Variants in ROBO1 observed in about 807,000 individuals in gnomAD.
ROBO1 encodes the protein roundabout homolog 1.
A neutral mutation model predicts 195.9 loss-of-function variants in ROBO1; 149 were observed. That is an observed-to-expected ratio of 0.76 (90% CI 0.67 to 0.87). The LOEUF (loss-of-function observed/expected upper bound fraction) is 0.87, where lower values mean the gene tolerates loss of function less well. Ranked by LOEUF, ROBO1 falls within the 40% of genes least tolerant of loss-of-function variation. The pLI is 0.00. For synonymous variants in ROBO1, 816 were observed against 733.2 expected, an observed-to-expected ratio of 1.11 and a Z score of -1.82; for missense variants, 1,933 against 2,068.3, an observed-to-expected ratio of 0.93 and a Z score of 1.27.
chr3:79,239,192 C>G (rs150356402), intron 2 of ROBO1, among the ~76,000 whole-genome samples: 3 of 152,010 alleles, frequency 2.0e-5, no homozygotes, highest in Admixed American at 6.6e-5. Flanking sequence ...CAACAAATAA[C>G]GGCTAAGAAA....
At chr3:79,523,441 TAG>T (rs1043891153) in intron 2 of ROBO1, among the ~76,000 whole-genome samples, 2 of 150,800 alleles carry the variant, frequency 1.3e-5, no homozygotes, top group Admixed American at 1.3e-4. Flanking sequence ...CCACAAAAAA[TAG>T]ACTTTGCATT....
chr3:78,690,634 C>A (rs1186651411), intron 8 of ROBO1, among the ~76,000 whole-genome samples: 2 of 151,996 alleles, frequency 1.3e-5, no homozygotes, highest in Non-Finnish European at 2.9e-5. Flanking sequence ...ATGTCAAAAT[C>A]AGACCAAGAA....
Position 78,607,009 on chromosome 3 carries a change from T to C in ROBO1, c.4468A>G (p.Ile1490Val). 1 of 1,612,696 alleles carries C rather than the reference T, an allele frequency of 6.2e-7. No individual in the cohort carries two copies. Among genetic ancestry groups the C allele is most frequent in the Non-Finnish European group, 8.5e-7 (1 of 1,178,826 alleles). ...LPPPPVPPPA[I>V]KSPTAQSKTQ... Reference sequence around the variant, plus strand: ...TTGGATTGGGCAGTAGGTGACTTTATAGCAGGTGGCGGCACAGGAGGTGGT... The same window carrying C: ...TTGGATTGGGCAGTAGGTGACTTTACAGCAGGTGGCGGCACAGGAGGTGGT... The change falls in exon 29 of 31, where the codon ATA becomes GTA. Residue 1490 changes from isoleucine to valine, a missense_variant. Physicochemically the swap from Ile to Val is conservative, Grantham distance 29. This residue lies in a region of ROBO1 where 1,737 missense variants were observed against 1,882.5 expected (regional missense o/e 0.92). Coordinates refer to ENST00000464233, the MANE Select transcript of ROBO1 (RefSeq NM_002941.4).
intron 2 of ROBO1, among the ~76,000 whole-genome samples, chr3:79,347,096 C>T (rs1056730741): frequency 6.6e-6 from 1 of 152,014 alleles, no homozygotes; most frequent in African/African-American, 2.4e-5. Flanking sequence ...GATAGGTGAA[C>T]AGACAGCATG....
At chr3:79,031,018 G>A (rs773036327) in intron 3 of ROBO1, among the ~76,000 whole-genome samples, 7 of 152,136 alleles carry the variant, frequency 4.6e-5, no homozygotes, top group African/African-American at 7.2e-5. Flanking sequence ...CACCATGCCC[G>A]GCCCCAATAT....
intron 4 of ROBO1, among the ~76,000 whole-genome samples, chr3:78,775,845 C>T (rs2083490166): frequency 6.6e-6 from 1 of 152,126 alleles, no homozygotes; most frequent in African/African-American, 2.4e-5. Context: ...TTGATTTAGC[C>T]AGTTTCTGCT....
chr3:78,632,161 A>C lies in ROBO1; in HGVS notation c.3482-856T>G, dbSNP rs1197799281. 3.3e-5 allele frequency among the ~76,000 whole-genome samples: 5 copies of C among 152,304 alleles called. 1 individual carries two copies. Among genetic ancestry groups the C allele is most frequent in the Admixed American group, 3.3e-4 (5 of 15,294 alleles). ...CAATGAGTCTATGATTATTTTTCTC[A>C]TAAGTTCCCTTTATATCAGTGCATT... On this transcript the variant is annotated intron_variant, in intron 24 of 30. Coordinates refer to ENST00000464233, the MANE Select transcript of ROBO1 (RefSeq NM_002941.4).
chr3:79,614,706 G>A (rs890185818), intron 1 of ROBO1, among the ~76,000 whole-genome samples: 2 of 151,876 alleles, frequency 1.3e-5, no homozygotes, highest in Admixed American at 1.3e-4. Flanking sequence ...AAAAATGAAA[G>A]AATATGTACA....
At chr3:78,786,631 C>G (rs1238386587) in intron 4 of ROBO1, among the ~76,000 whole-genome samples, 2 of 152,048 alleles carry the variant, frequency 1.3e-5, no homozygotes, top group Non-Finnish European at 2.9e-5. Context: ...TTCTCCTTCA[C>G]TAATGATAGT....
rs1476623475 is a variant in ROBO1, at chr3:79,650,891, GTGTTATTAAATAACA to G, written c.-50-60945_-50-60931del. 9.9e-5 allele frequency among the ~76,000 whole-genome samples: 15 copies of G among 151,900 alleles called. 1 individual carries two copies. In the South Asian group the frequency reaches 3.1e-3, roughly 31 times the overall value. On this transcript the variant is annotated intron_variant, in intron 1 of 30. Transcript: ENST00000464233. ...AGAAAATATTCAATAGCATGTTTGC[GTGTTATTAAATAACA>G]TGTTATTAAATAATTTAAATGTTTT...
chr3:79,281,369 G>T (rs1016490292), intron 2 of ROBO1, among the ~76,000 whole-genome samples: 10 of 151,992 alleles, frequency 6.6e-5, no homozygotes, highest in African/African-American at 2.4e-4. Context: ...CAATGTGCAG[G>T]TTAGTCACAT....
At chr3:79,127,902 A>C (rs1460690279) in intron 2 of ROBO1, among the ~76,000 whole-genome samples, 1 of 152,104 alleles carries the variant, frequency 6.6e-6, no homozygotes, top group Non-Finnish European at 1.5e-5. Flanking sequence ...CATATCTCTA[A>C]AGTCCATTCA....
chr3:78,755,750 A>G (rs1158648067), intron 4 of ROBO1, among the ~76,000 whole-genome samples: 2 of 152,220 alleles, frequency 1.3e-5, no homozygotes, highest in African/African-American at 4.8e-5. Flanking sequence ...GACAATATAT[A>G]AGTAAATCCT....
At chr3:79,605,908 C>T (rs548686351) in intron 1 of ROBO1, among the ~76,000 whole-genome samples, 14 of 151,618 alleles carry the variant, frequency 9.2e-5, no homozygotes, top group Non-Finnish European at 1.8e-4. Flanking sequence ...TCAATGCTTT[C>T]GAGTAAAACA....
At chr3:78,836,369 G>T (rs1159972757) in intron 4 of ROBO1, among the ~76,000 whole-genome samples, 1 of 151,800 alleles carries the variant, frequency 6.6e-6, no homozygotes, top group Non-Finnish European at 1.5e-5. Context: ...AACATTAGCG[G>T]GGTGTGGTGG....
At chr3:79,728,153 A>AT (rs1560136795) in intron 1 of ROBO1, among the ~76,000 whole-genome samples, 5 of 151,310 alleles carry the variant, frequency 3.3e-5, no homozygotes, top group African/African-American at 4.9e-5. Flanking sequence ...CCCACAGGAA[A>AT]TTTTTTTTAG....
At chr3:79,538,322 G>T (rs1362565690) in intron 2 of ROBO1, among the ~76,000 whole-genome samples, 1 of 152,028 alleles carries the variant, frequency 6.6e-6, no homozygotes, top group Non-Finnish European at 1.5e-5. Flanking sequence ...TTCCTTTGAG[G>T]ATGTTAAATG....
At chr3:78,817,833 G>A (rs1311202044) in intron 4 of ROBO1, among the ~76,000 whole-genome samples, 1 of 152,156 alleles carries the variant, frequency 6.6e-6, no homozygotes, top group Non-Finnish European at 1.5e-5. Context: ...GTTCCTAACT[G>A]GAATCTGGTA....
At chr3:79,133,847 T>C (rs2108591255) in intron 2 of ROBO1, among the ~76,000 whole-genome samples, 1 of 148,474 alleles carries the variant, frequency 6.7e-6, no homozygotes, top group East Asian at 2.0e-4. Flanking sequence ...GATGGTGATG[T>C]ACAGATGGGT....
Sources: allele counts gnomAD v4.1 joint callset (sites outside exome capture counted in the v4.1 genomes callset), GRCh38; gene constraint gnomAD v4.1.1; regional missense constraint gnomAD v4.1.1; transcripts MANE v1.5; gene names NCBI Gene and HGNC (gene_info 2026-07-23, HGNC 2026-07-21).